Variants in HIBCH observed in about 807,000 individuals in gnomAD.
HIBCH encodes 3-hydroxyisobutyryl-CoA hydrolase, mitochondrial.
In HIBCH, 50 loss-of-function variants were observed where a neutral mutation model predicts 58.2. That is an observed-to-expected ratio of 0.86 (90% CI 0.68 to 1.09). The LOEUF (loss-of-function observed/expected upper bound fraction) is 1.09. Ranked by LOEUF, HIBCH falls within the 50% of genes least tolerant of loss-of-function variation. HIBCH has a pLI of 0.00. For synonymous variants in HIBCH, 151 were observed against 146.9 expected (o/e 1.03, Z -0.20); for missense variants, 450 against 449.7 (o/e 1.00, Z -0.01).
intron 6 of HIBCH, among the ~76,000 whole-genome samples, chr2:190,274,655 G>A (rs919184346): frequency 6.6e-6 from 1 of 152,146 alleles, no homozygotes; most frequent in Non-Finnish European, 1.5e-5. Context: ...TTATTAACAT[G>A]TATACCTCAT....
intron 6 of HIBCH, among the ~76,000 whole-genome samples, chr2:190,283,935 A>T (rs908818120): frequency 1.3e-5 from 2 of 152,202 alleles, no homozygotes; most frequent in Admixed American, 6.5e-5. Context: ...GATGGCTTAG[A>T]GCCCTAGTTC....
At chr2:190,191,079 A>G (rs1231288936) in intron 1 of HIBCH, among the ~76,000 whole-genome samples, 1 of 152,198 alleles carries the variant, frequency 6.6e-6, no homozygotes, top group Admixed American at 6.5e-5. Flanking sequence ...GGTGTACATT[A>G]ACATCTTTGT....
At chr2:190,257,407 T>C (rs1686956085) in intron 7 of HIBCH, among the ~76,000 whole-genome samples, 1 of 151,024 alleles carries the variant, frequency 6.6e-6, no homozygotes, top group Non-Finnish European at 1.5e-5. Flanking sequence ...AAAGGAGGAA[T>C]GAATACTGGA....
rs1457315033 is a variant in HIBCH at position 190,213,014 on chromosome 2, G to C, written c.953C>G (p.Ser318Cys). ...TAGTACTTCTTGCAAGGTCTTTGAAGACCCCTCCATGAGTTGCCTTAGTGT... is the reference window on the plus strand; with the variant it reads ...TAGTACTTCTTGCAAGGTCTTTGAACACCCCTCCATGAGTTGCCTTAGTGT... ...KITLRQLMEGSSKTLQEVLTM... is the reference protein window; with the variant it reads ...KITLRQLMEGCSKTLQEVLTM... The change falls in exon 12 of 14, where the codon TCT (serine) becomes TGT (cysteine). Residue 318 changes from serine to cysteine, a missense_variant. Transcript: ENST00000359678. 2 of 1,609,752 alleles carry C rather than the reference G, an allele frequency of 1.2e-6. No individual in the cohort carries two copies. The highest frequency in any genetic ancestry group is 1.7e-6 in the Non-Finnish European group (2 of 1,176,522).
intron 11 of HIBCH, among the ~76,000 whole-genome samples, chr2:190,228,997 A>G (rs962126748): frequency 6.6e-6 from 1 of 152,128 alleles, no homozygotes; most frequent in South Asian, 2.1e-4. Flanking sequence ...TAGACATGGG[A>G]AATTTCTAAC....
chr2:190,200,392 A>G (rs978933055), downstream of HIBCH: 7 of 428,932 alleles, frequency 1.6e-5, no homozygotes, highest in African/African-American at 9.9e-5. Flanking sequence ...GTGACACCCA[A>G]TAATCAGCTG....
At chr2:190,208,506 T>C (rs1165311767) in intron 13 of HIBCH, among the ~76,000 whole-genome samples, 1 of 152,184 alleles carries the variant, frequency 6.6e-6, no homozygotes, top group Non-Finnish European at 1.5e-5. Context: ...ATTATCAGTT[T>C]CAAAGACTGA....
intron 2 of HIBCH, among the ~76,000 whole-genome samples, chr2:190,309,102 G>A (rs1688488921): frequency 6.6e-6 from 1 of 152,098 alleles, no homozygotes; most frequent in Non-Finnish European, 1.5e-5. Flanking sequence ...CTAGGTCCTT[G>A]TAATACTTGA....
intron 10 of HIBCH, 128 bp from the exon 11 acceptor site, chr2:190,245,096 C>T: frequency 2.8e-6 from 2 of 703,056 alleles, no homozygotes; most frequent in South Asian, 1.6e-5. Flanking sequence ...ACCTCTTTAA[C>T]AGGACGTGAA....
intron 6 of HIBCH, among the ~76,000 whole-genome samples, chr2:190,267,345 C>T (rs1329025915): frequency 6.6e-6 from 1 of 152,140 alleles, no homozygotes; most frequent in African/African-American, 2.4e-5. Context: ...GCTGGGATTA[C>T]AGGCGCATGC....
Position 190,259,319 on chromosome 2 carries a change from A to ATGTGTGTGTGTGTGTGTGTGTGTG in HIBCH, c.517+1813_517+1836dup, listed in dbSNP as rs370172555. Among the ~76,000 whole-genome samples, 55 of 122,200 alleles carry ATGTGTGTGTGTGTGTGTGTGTGTG rather than the reference A, an allele frequency of 4.5e-4. 2 individuals are homozygous for ATGTGTGTGTGTGTGTGTGTGTGTG. The highest frequency in any genetic ancestry group is 1.5e-3 in the East Asian group (6 of 3,970). The allele number at this position is 122,200 out of a possible 152,430, so 80.2% of individuals were successfully genotyped here. A position where few individuals can be genotyped will look rare whatever the true frequency, so the allele number is the denominator to read the frequency against. ...AAGTTTTGTAGTTTTCAGTATACAGATGTGTGTGTGTGTGTGTGTGTGTGT... is the reference window on the plus strand; with the variant it reads ...AAGTTTTGTAGTTTTCAGTATACAGATGTGTGTGTGTGTGTGTGTGTGTGTGTGTGTGTGTGTGTGTGTGTGTGT... On this transcript the variant is annotated intron_variant, in intron 7 of 13. Transcript: ENST00000359678.
downstream of HIBCH, chr2:190,203,508 G>T: frequency 6.2e-6 from 1 of 162,124 alleles, no homozygotes. Flanking sequence ...TTATTTAACT[G>T]AAGCAAATGC....
intron 11 of HIBCH, among the ~76,000 whole-genome samples, chr2:190,229,170 A>G (rs2105918071): frequency 6.6e-6 from 1 of 152,264 alleles, no homozygotes; most frequent in East Asian, 1.9e-4. Flanking sequence ...TCTCTGGAGA[A>G]CCCTAATACA....
rs969851708 is a variant in HIBCH, at chr2:190,281,161, ACT to A, written c.438+6423_438+6424del. On this transcript the variant is annotated intron_variant, in intron 6 of 13. Coordinates refer to ENST00000359678, the MANE Select transcript of HIBCH (RefSeq NM_014362.4). This position sits in a 1 kb window ranked among gnomAD's most constrained non-coding sequence, Gnocchi z 5.4. ...TTCCACTTGGCATTCTCCAGAATGG[ACT>A]CTCTGTGGTGGCTCCACCCCTGCAA... 1.6e-4 allele frequency: 25 copies of A among 151,978 alleles called. No homozygotes were observed. The highest frequency in any genetic ancestry group is 7.7e-4 in the East Asian group (4 of 5,194). The allele number at this position is 151,978 out of a possible 1,614,324, so 9.4% of individuals were successfully genotyped here.
chr2:190,304,201 TA>T lies in HIBCH; in HGVS notation c.78+6552del, dbSNP rs1688342795. Among the ~76,000 whole-genome samples, 2 of 151,870 alleles carry T rather than the reference TA, an allele frequency of 1.3e-5. No individual in the cohort carries two copies. Among genetic ancestry groups the T allele is most frequent in the Non-Finnish European group, 2.9e-5 (2 of 67,986 alleles). On this transcript the variant is annotated intron_variant, in intron 2 of 13. Coordinates refer to ENST00000359678, the MANE Select transcript of HIBCH (RefSeq NM_014362.4). This position sits in a 1 kb window ranked among gnomAD's most constrained non-coding sequence, Gnocchi z 4.1. ...GTTAACAGTAATATACAAATTGCCTTAGTTAAGTTTCTGTTGCTCACACCAG... is the reference window on the plus strand; with the variant it reads ...GTTAACAGTAATATACAAATTGCCTTGTTAAGTTTCTGTTGCTCACACCAG...
At chr2:190,307,461 C>A (rs1474541296) in intron 2 of HIBCH, among the ~76,000 whole-genome samples, 1 of 152,102 alleles carries the variant, frequency 6.6e-6, no homozygotes, top group Non-Finnish European at 1.5e-5. Flanking sequence ...CATTTGTGCC[C>A]AGAGGTTCGA....
intron 6 of HIBCH, among the ~76,000 whole-genome samples, chr2:190,285,844 TTTTTG>T (rs1447782578): frequency 6.6e-6 from 1 of 152,052 alleles, no homozygotes; most frequent in African/African-American, 2.4e-5. Flanking sequence ...AAAGTATGTC[TTTTTG>T]TTTTGTTTTG....
chr2:190,220,953 A>G (rs1236694237), intron 11 of HIBCH, among the ~76,000 whole-genome samples: 2 of 152,068 alleles, frequency 1.3e-5, no homozygotes, highest in African/African-American at 4.8e-5. Flanking sequence ...TATGGTTTCC[A>G]TTTCTTGGTT....
At chr2:190,318,312 T>C (rs960685434) in intron 1 of HIBCH, among the ~76,000 whole-genome samples, 18 of 146,080 alleles carry the variant, frequency 1.2e-4, no homozygotes, top group African/African-American at 4.6e-4. Context: ...CGGTGGAGAG[T>C]GGCATTAGAA....
Sources: gnomAD v4.1 joint callset for allele counts (sites outside exome capture counted in the v4.1 genomes callset) on GRCh38, gnomAD v4.1.1 for gene constraint, Gnocchi (gnomAD v3.1) non-coding constraint, MANE v1.5 for transcripts, NCBI Gene and HGNC (gene_info 2026-07-23, HGNC 2026-07-21) for gene names.